The following CDK13 variants were observed in gnomAD, a reference collection of about 807,000 sequenced individuals.
The protein encoded by CDK13 is cyclin-dependent kinase 13.
CDK13 carries 40 observed loss-of-function variants against 137.6 expected under a neutral mutation model. That is an observed-to-expected ratio of 0.29 (90% CI 0.23 to 0.38). The LOEUF is 0.38. Among genes scored for constraint, CDK13 ranks in the 10% least tolerant of loss-of-function variants. The pLI is 1.00. For synonymous variants in CDK13, 869 were observed against 760.1 expected, an observed-to-expected ratio of 1.14 and a Z score of -2.36; for missense variants, 1,704 against 1,951.8, an observed-to-expected ratio of 0.87 and a Z score of 2.39.
chr7:40,030,814 C>T (rs1313264986), intron 5 of CDK13, among the ~76,000 whole-genome samples: 1 of 151,976 alleles, frequency 6.6e-6, no homozygotes, highest in Non-Finnish European at 1.5e-5. Flanking sequence ...ACAGTATGCA[C>T]CTAAAGTTCC....
intron 1 of CDK13, among the ~76,000 whole-genome samples, chr7:39,970,492 ACTT>A (rs1370371590): frequency 1.4e-5 from 2 of 147,400 alleles, no homozygotes; most frequent in East Asian, 4.0e-4. Context: ...ACGGAGTCTT[ACTT>A]CTTCGTCTAG....
intron 4 of CDK13, 143 bp from the exon 5 acceptor site, chr7:40,001,718 T>C: frequency 1.5e-6 from 1 of 659,422 alleles, no homozygotes; most frequent in South Asian, 1.8e-5. Context: ...AAATATTATT[T>C]GGTATATTGG....
chr7:39,950,291 C>T lies in CDK13; in HGVS notation c.-351C>T, dbSNP rs963470362. Reference sequence around the variant, plus strand: ...TGCGCTGCCCGAGCCGAGAGCGCGGCCAAGGCCGCTCCCCCACCCCCGGGG... The same window carrying T: ...TGCGCTGCCCGAGCCGAGAGCGCGGTCAAGGCCGCTCCCCCACCCCCGGGG... On this transcript the variant is annotated 5_prime_UTR_variant, in exon 1 of 14. Transcript: ENST00000181839. 1.6e-5 allele frequency: 17 copies of T among 1,079,736 alleles called. No homozygotes were observed. The highest frequency in any genetic ancestry group is 4.0e-4 in the Middle Eastern group (1 of 2,504). 66.9% of individuals were successfully genotyped at this position (1,079,736 alleles called of 1,614,324 possible).
At chr7:40,035,805 C>T (rs1357972256) in intron 5 of CDK13, among the ~76,000 whole-genome samples, 3 of 137,882 alleles carry the variant, frequency 2.2e-5, no homozygotes, top group Non-Finnish European at 3.1e-5. Flanking sequence ...CATCCCCAGT[C>T]CATGGAAAAA....
intron 5 of CDK13, among the ~76,000 whole-genome samples, chr7:40,005,429 A>G (rs1784778396): frequency 6.6e-6 from 1 of 151,794 alleles, no homozygotes; most frequent in African/African-American, 2.4e-5. Context: ...AGCCAGCATT[A>G]CAGGTGTGTG....
intron 5 of CDK13, among the ~76,000 whole-genome samples, chr7:40,021,061 A>C (rs532230011): frequency 6.8e-6 from 1 of 148,132 alleles, no homozygotes; most frequent in Non-Finnish European, 1.5e-5. Context: ...ACTGCACTCC[A>C]GCCTGGTGAC....
intron 12 of CDK13, among the ~76,000 whole-genome samples, chr7:40,091,779 AAT>A (rs1467272401): frequency 1.3e-5 from 2 of 152,222 alleles, no homozygotes; most frequent in African/African-American, 4.8e-5. Flanking sequence ...AGTATCTCAA[AAT>A]ATATAAAGAG....
At chr7:40,080,648 G>C (rs1238063824) in intron 11 of CDK13, among the ~76,000 whole-genome samples, 1 of 151,926 alleles carries the variant, frequency 6.6e-6, no homozygotes, top group African/African-American at 2.4e-5. Context: ...CTTAAAACTT[G>C]GGCTCAGTAC....
intron 1 of CDK13, among the ~76,000 whole-genome samples, chr7:39,956,515 G>C (rs905850502): frequency 1.3e-5 from 2 of 152,124 alleles, no homozygotes; most frequent in Admixed American, 1.3e-4. Context: ...TTCTGTATCA[G>C]GAGAGTTTTC....
chr7:40,026,403 G>C lies in CDK13; in HGVS notation c.2354-19433G>C, dbSNP rs191172950. Among the ~76,000 whole-genome samples the C allele has an allele frequency of 2.6e-4, 39 of 152,274 alleles. No individual in the cohort carries two copies. In the East Asian group the frequency reaches 7.0e-3, roughly 27 times the overall value. On this transcript the variant is annotated intron_variant, in intron 5 of 13. Coordinates refer to ENST00000181839, the MANE Select transcript of CDK13 (RefSeq NM_003718.5). ...ACATGCCTGTAGTCCCAGCTACTTG[G>C]GGGGCTGAGGTAGGAGGATCCCTTG...
intron 5 of CDK13, among the ~76,000 whole-genome samples, chr7:40,020,426 C>T (rs1785092665): frequency 6.6e-6 from 1 of 152,160 alleles, no homozygotes; most frequent in South Asian, 2.1e-4. Context: ...ACCAGGATTC[C>T]TTTATTGCTA....
rs1483208633 is a variant in CDK13, at chr7:39,950,777, C to T, written c.136C>T (p.Pro46Ser). The T allele has an allele frequency of 4.1e-6, 6 of 1,474,290 alleles. No homozygotes were observed. Among genetic ancestry groups the T allele is most frequent in the Admixed American group, 2.4e-5 (1 of 41,002 alleles). 91.3% of individuals were successfully genotyped at this position (1,474,290 alleles called of 1,614,324 possible). ...GCCGCTGCTGTTGCCGCTCCTGCAG[C>T]CGCAGCTCCTGCAACCGCCGCCGCC... is the stretch of plus-strand genomic sequence containing the variant. ...QPPLLLPLLQPQLLQPPPPPP... is the reference protein window; with the variant it reads ...QPPLLLPLLQSQLLQPPPPPP... Residue 46 changes from proline to serine, a missense_variant, in exon 1 of 14, where the codon CCG becomes TCG. Around this residue, in one of 5 missense-constraint regions of CDK13, gnomAD observed 1,051 missense variants for 931.0 expected, o/e 1.13. Transcript: ENST00000181839.
chr7:39,950,654 T>C lies in CDK13; in HGVS notation c.13T>C (p.Ser5Pro). The C allele has an allele frequency of 7.4e-7, 1 of 1,342,768 alleles. No individual in the cohort carries two copies. Among genetic ancestry groups the C allele is most frequent in the Non-Finnish European group, 9.5e-7 (1 of 1,050,104 alleles). 83.2% of individuals were successfully genotyped at this position (1,342,768 alleles called of 1,614,324 possible). A position where few individuals can be genotyped will look rare whatever the true frequency, so the allele number is the denominator to read the frequency against. Residue 5 changes from serine to proline, a missense_variant, in exon 1 of 14, where the codon TCG becomes CCG. Ser to Pro is a moderately conservative substitution (Grantham distance 74, BLOSUM62 -1). Coordinates refer to ENST00000181839, the MANE Select transcript of CDK13 (RefSeq NM_003718.5). MPSS[S>P]DTALGGGGGL... ...CTGGCTCTAGGCGATGCCGAGCAGC[T>C]CGGACACGGCGCTGGGGGGAGGCGG...
intron 5 of CDK13, among the ~76,000 whole-genome samples, chr7:40,035,343 AG>A (rs1260390913): frequency 6.6e-6 from 1 of 152,154 alleles, no homozygotes; most frequent in Non-Finnish European, 1.5e-5. Context: ...GGCCATGGAC[AG>A]GTACTGGTCT....
intron 5 of CDK13, among the ~76,000 whole-genome samples, chr7:40,034,137 T>C (rs1048023374): frequency 6.6e-6 from 1 of 152,212 alleles, no homozygotes; most frequent in Non-Finnish European, 1.5e-5. Flanking sequence ...TGTGGAGGCC[T>C]CTCAGACAGG....
chr7:40,016,051 A>G (rs1784998759), intron 5 of CDK13, among the ~76,000 whole-genome samples: 1 of 152,222 alleles, frequency 6.6e-6, no homozygotes, highest in African/African-American at 2.4e-5. Context: ...GAACAGATAG[A>G]ATTCTGCAGT....
chr7:39,981,723 G>A (rs1335187511), intron 1 of CDK13, among the ~76,000 whole-genome samples: 1 of 151,910 alleles, frequency 6.6e-6, no homozygotes. Context: ...GGAGAGGAAC[G>A]GAAGTTGTAT....
At chr7:40,071,874 A>T (rs1222687156) in intron 9 of CDK13, 1 of 152,214 alleles carries the variant, frequency 6.6e-6, no homozygotes, top group Non-Finnish European at 1.5e-5. Flanking sequence ...TATTTGAGAA[A>T]ATGTCTGGAA....
At chr7:40,043,213 A>G (rs915790763) in intron 5 of CDK13, among the ~76,000 whole-genome samples, 3 of 152,164 alleles carry the variant, frequency 2.0e-5, no homozygotes, top group African/African-American at 7.2e-5. Flanking sequence ...GTGGGATTAT[A>G]CATTTGTCAA....
Sources: allele counts gnomAD v4.1 joint callset (sites outside exome capture counted in the v4.1 genomes callset), GRCh38; gene constraint gnomAD v4.1.1; regional missense constraint gnomAD v4.1.1; transcripts MANE v1.5; gene names NCBI Gene and HGNC (gene_info 2026-07-23, HGNC 2026-07-21).